The following XXYLT1 variants were observed in gnomAD, a reference collection of about 807,000 sequenced individuals.
XXYLT1 encodes xyloside xylosyltransferase 1.
A neutral mutation model predicts 28.9 loss-of-function variants in XXYLT1; 20 were observed. The ratio of observed to expected loss-of-function variants is 0.69; its 90% CI spans 0.49 to 1.00. The LOEUF is 1.00. Among genes scored for constraint, XXYLT1 ranks in the 50% least tolerant of loss-of-function variants. The probability of loss-of-function intolerance (pLI) is 0.00; values close to 1 mark genes in which losing one functional copy is unlikely to be tolerated. For missense variants in XXYLT1, 542 were observed against 560.1 expected (o/e 0.97, Z 0.33); for synonymous variants, 257 against 253.8 (o/e 1.01, Z -0.12).
chr3:195,203,861 C>A (rs1223779956), intron 2 of XXYLT1, among the ~76,000 whole-genome samples: 1 of 152,198 alleles, frequency 6.6e-6, no homozygotes, highest in Admixed American at 6.5e-5. Context: ...GCCCCCGGAA[C>A]AGAGGCTGAG....
Position 195,261,866 on chromosome 3 carries a change from A to G in XXYLT1, c.504+8689T>C, listed in dbSNP as rs557385476. Among the ~76,000 whole-genome samples, 271 of 152,358 alleles carry G rather than the reference A, an allele frequency of 1.8e-3. 1 individual carries two copies. The highest frequency in any genetic ancestry group is 5.1e-3 in the African/African-American group (212 of 41,578). Reference sequence around the variant, plus strand: ...GCTGTAATTGAAAAGATGGATGATTACAAGTGCTGGTGAGGATGTGGAGAA... The same window carrying G: ...GCTGTAATTGAAAAGATGGATGATTGCAAGTGCTGGTGAGGATGTGGAGAA... On this transcript the variant is annotated intron_variant, in intron 1 of 3. Coordinates refer to ENST00000310380, the MANE Select transcript of XXYLT1 (RefSeq NM_152531.5).
At chr3:195,071,357 A>G (rs1051778264) in intron 3 of XXYLT1, among the ~76,000 whole-genome samples, 21 of 152,222 alleles carry the variant, frequency 1.4e-4, no homozygotes, top group Middle Eastern at 3.2e-3. Flanking sequence ...GTACGGGGGA[A>G]TAAAACCGGA....
At chr3:195,252,723 C>CAGAGAGAGAGAG (rs1465288212) in intron 1 of XXYLT1, among the ~76,000 whole-genome samples, 4 of 129,310 alleles carry the variant, frequency 3.1e-5, no homozygotes, top group African/African-American at 1.3e-4. Context: ...CACACACACA[C>CAGAGAGAGAGAG]ACACAGAGAG....
intron 3 of XXYLT1, chr3:195,121,887 C>T (rs890121035): frequency 4.4e-5 from 27 of 607,324 alleles, no homozygotes; most frequent in Admixed American, 1.4e-4. Flanking sequence ...CTAAAGGCAT[C>T]GTCTAGCACT....
intron 3 of XXYLT1, among the ~76,000 whole-genome samples, chr3:195,103,379 ATCACCCCACGCCAGCGG>A: frequency 6.6e-6 from 1 of 150,818 alleles, no homozygotes; most frequent in Admixed American, 6.6e-5. Context: ...GCCTGCGTCC[ATCACCCCACGCCAGCGG>A]CCTGCGTCCA....
chr3:195,264,993 G>A (rs1375097654), intron 1 of XXYLT1, among the ~76,000 whole-genome samples: 1 of 151,964 alleles, frequency 6.6e-6, no homozygotes, highest in Non-Finnish European at 1.5e-5. Flanking sequence ...GGAGTTTGAA[G>A]CTACAGTGAG....
intron 1 of XXYLT1, among the ~76,000 whole-genome samples, chr3:195,258,897 A>G (rs1725576678): frequency 6.6e-6 from 1 of 152,262 alleles, no homozygotes; most frequent in African/African-American, 2.4e-5. Context: ...ACCTGGCCAG[A>G]AAGCTGTTTT....
At chr3:195,085,944 A>G (rs965470572) in intron 3 of XXYLT1, 1 of 149,956 alleles carries the variant, frequency 6.7e-6, no homozygotes, top group African/African-American at 2.5e-5. Context: ...GCCAACACTC[A>G]CTATGACTCG....
At chr3:195,221,105 A>C (rs1380071690) in intron 2 of XXYLT1, among the ~76,000 whole-genome samples, 1 of 152,186 alleles carries the variant, frequency 6.6e-6, no homozygotes, top group African/African-American at 2.4e-5. Context: ...CCGTAACCTC[A>C]GTCTAATGAT....
chr3:195,123,067 C>T (rs944692273), intron 3 of XXYLT1, among the ~76,000 whole-genome samples: 8 of 152,108 alleles, frequency 5.3e-5, no homozygotes, highest in South Asian at 2.1e-4. Flanking sequence ...TGTTCCCATT[C>T]GGCAATGTCA....
At chr3:195,185,497 G>A (rs1473849873) in intron 2 of XXYLT1, among the ~76,000 whole-genome samples, 1 of 135,662 alleles carries the variant, frequency 7.4e-6, no homozygotes, top group East Asian at 2.2e-4. Flanking sequence ...AGAGGTTTAG[G>A]GCTGGGTTTT....
Position 195,124,851 on chromosome 3 carries a change from G to A in XXYLT1, c.785+31598C>T, listed in dbSNP as rs1397590741. Among the ~76,000 whole-genome samples, 1 of 152,154 alleles carries A rather than the reference G, an allele frequency of 6.6e-6. No individual in the cohort carries two copies. Among genetic ancestry groups the A allele is most frequent in the Non-Finnish European group, 1.5e-5 (1 of 68,038 alleles). On this transcript the variant is annotated intron_variant, in intron 3 of 3. Coordinates refer to ENST00000310380, the MANE Select transcript of XXYLT1 (RefSeq NM_152531.5). This position sits in a 1 kb window ranked among gnomAD's most constrained non-coding sequence, Gnocchi z 4.1. ...TCCGGGAAGGCTGGAGTCTGAGCCG[G>A]CACTGGCAGCGTTTTTCACGGACGC...
chr3:195,257,383 G>A lies in XXYLT1; in HGVS notation c.504+13172C>T, dbSNP rs965764043. On this transcript the variant is annotated intron_variant, in intron 1 of 3. Transcript: ENST00000310380. The surrounding 1 kb of genome is among the most constrained non-coding windows in gnomAD (Gnocchi z 4.3). ...CTGGCAGAAGGGCCAGTGTCAGCTCGGCAGGAGCCAGGGGAAAGGGGCTCA... is the reference window on the plus strand; with the variant it reads ...CTGGCAGAAGGGCCAGTGTCAGCTCAGCAGGAGCCAGGGGAAAGGGGCTCA... 2.6e-5 allele frequency among the ~76,000 whole-genome samples: 4 copies of A among 152,212 alleles called. No individual in the cohort carries two copies. The highest frequency in any genetic ancestry group is 5.9e-5 in the Non-Finnish European group (4 of 68,032).
At chr3:195,220,781 A>G (rs1338507639) in intron 2 of XXYLT1, among the ~76,000 whole-genome samples, 1 of 152,206 alleles carries the variant, frequency 6.6e-6, no homozygotes, top group Non-Finnish European at 1.5e-5. Flanking sequence ...ACCTGTCAGG[A>G]GGCAGACACT....
chr3:195,208,604 A>G (rs1723174732), intron 2 of XXYLT1, among the ~76,000 whole-genome samples: 1 of 152,216 alleles, frequency 6.6e-6, no homozygotes, highest in Non-Finnish European at 1.5e-5. Flanking sequence ...CAGGAACAGA[A>G]AAGCACATTT....
At chr3:195,156,265 G>A (rs1049498408) in intron 3 of XXYLT1, among the ~76,000 whole-genome samples, 184 bp downstream of exon 3, 1 of 152,190 alleles carries the variant, frequency 6.6e-6, no homozygotes, top group Non-Finnish European at 1.5e-5. Flanking sequence ...TAGCACCTAC[G>A]GCTTGGGATA....
intron 1 of XXYLT1, among the ~76,000 whole-genome samples, chr3:195,261,304 A>T (rs754585351): frequency 1.3e-4 from 20 of 152,158 alleles, no homozygotes; most frequent in Non-Finnish European, 2.6e-4. Flanking sequence ...ACGGTGGCGC[A>T]CGCCTGTGTA....
intron 1 of XXYLT1, among the ~76,000 whole-genome samples, chr3:195,244,416 G>C (rs1724915181): frequency 6.6e-6 from 1 of 152,174 alleles, no homozygotes; most frequent in South Asian, 2.1e-4. Flanking sequence ...AGGGTACTGA[G>C]CACAGAGATT....
intron 1 of XXYLT1, among the ~76,000 whole-genome samples, chr3:195,266,912 T>C (rs1330147106): frequency 6.6e-6 from 1 of 152,236 alleles, no homozygotes. Context: ...GCTCCTCCTA[T>C]ACTGGTACCT....
Sources: gnomAD v4.1 joint callset for allele counts (sites outside exome capture counted in the v4.1 genomes callset) on GRCh38, gnomAD v4.1.1 for gene constraint, Gnocchi (gnomAD v3.1) non-coding constraint, MANE v1.5 for transcripts, NCBI Gene and HGNC (gene_info 2026-07-23, HGNC 2026-07-21) for gene names.